Variants in ADARB1 observed in about 807,000 individuals in gnomAD.
ADARB1 encodes double-stranded RNA-specific editase 1.
In ADARB1, 10 loss-of-function variants were observed where a neutral mutation model predicts 52.4. The observed-to-expected ratio is 0.19, with a 90% CI of 0.12 to 0.32. ADARB1 has a LOEUF of 0.32. Ranked by LOEUF, ADARB1 falls within the 10% of genes least tolerant of loss-of-function variation. ADARB1 has a pLI of 1.00. For missense variants in ADARB1, 643 were observed against 922.3 expected, an observed-to-expected ratio of 0.70 and a Z score of 3.92; for synonymous variants, 349 against 371.1, an observed-to-expected ratio of 0.94 and a Z score of 0.68.
At chr21:45,150,399 AATT>A (rs1210926713) in intron 2 of ADARB1, among the ~76,000 whole-genome samples, 1 of 152,232 alleles carries the variant, frequency 6.6e-6, no homozygotes, top group African/African-American at 2.4e-5. Context: ...GTTTTCAAAA[AATT>A]ATTTTTTCTA....
At chr21:45,216,833 A>T (rs1305889762) in intron 9 of ADARB1, among the ~76,000 whole-genome samples, 1 of 151,860 alleles carries the variant, frequency 6.6e-6, no homozygotes, top group Admixed American at 6.6e-5. Flanking sequence ...TACATTATCT[A>T]TTTCTTCCCC....
chr21:45,214,042 A>G (rs575931239), intron 9 of ADARB1, among the ~76,000 whole-genome samples: 1 of 152,334 alleles, frequency 6.6e-6, no homozygotes, highest in African/African-American at 2.4e-5. Context: ...TGTCACTTAT[A>G]TGCCGGCACG....
chr21:45,141,722 A>ATCACCTTAGCATCCCTGGG (rs1206840876), intron 2 of ADARB1, among the ~76,000 whole-genome samples: 5 of 145,376 alleles, frequency 3.4e-5, no homozygotes, highest in Admixed American at 1.3e-4. Context: ...CCACCACAGG[A>ATCACCTTAGCATCCCTGGG]TCACCTTAGC....
intron 8 of ADARB1, among the ~76,000 whole-genome samples, chr21:45,186,156 G>A (rs2092098391): frequency 6.6e-6 from 1 of 152,170 alleles, no homozygotes; most frequent in African/African-American, 2.4e-5. Flanking sequence ...AGAATTATTT[G>A]GAGTATTTGT....
At chr21:45,180,198 T>G (rs970261749) in intron 4 of ADARB1, 132 bp from the exon 5 acceptor site, 6 of 678,046 alleles carry the variant, frequency 8.8e-6, no homozygotes, top group Non-Finnish European at 1.6e-5. Context: ...TTTGCCAGAT[T>G]TACCTGTGTG....
intron 2 of ADARB1, among the ~76,000 whole-genome samples, chr21:45,171,187 G>A (rs146875231): frequency 3.9e-5 from 6 of 152,296 alleles, no homozygotes; most frequent in South Asian, 2.1e-4. Context: ...TGCAGCAGGC[G>A]TCTTTCCAGA....
intron 7 of ADARB1, among the ~76,000 whole-genome samples, chr21:45,183,930 C>A (rs572814125): frequency 8.5e-5 from 13 of 152,304 alleles, no homozygotes; most frequent in Non-Finnish European, 1.9e-4. Flanking sequence ...CTATTGTGAT[C>A]ATATTTTTTT....
chr21:45,099,215 G>C (rs1250883500), intron 1 of ADARB1, among the ~76,000 whole-genome samples: 1 of 152,140 alleles, frequency 6.6e-6, no homozygotes, highest in Non-Finnish European at 1.5e-5. Context: ...AGGGGGTGGT[G>C]GTAGGGCTGG....
At chr21:45,169,566 C>T (rs1218407827) in intron 2 of ADARB1, among the ~76,000 whole-genome samples, 1 of 152,178 alleles carries the variant, frequency 6.6e-6, no homozygotes, top group Non-Finnish European at 1.5e-5. Context: ...GCTTTCTCTA[C>T]ATCTCTCAGT....
rs866779547 is a variant in ADARB1 at position 45,074,604 on chromosome 21, C to T, written c.-409C>T. On this transcript the variant is annotated 5_prime_UTR_variant, in exon 1 of 11. Coordinates refer to ENST00000348831, the MANE Select transcript of ADARB1 (RefSeq NM_001112.4). ...TGAGGCGCTGAGGCGGCCGTGGCGG[C>T]GGCGGCGGCGGCGGCGGCAGCGGCG... 2.1e-3 allele frequency: 309 copies of T among 148,226 alleles called. 1 individual carries two copies. The highest frequency in any genetic ancestry group is 7.2e-3 in the African/African-American group (291 of 40,566). 9.2% of individuals were successfully genotyped at this position (148,226 alleles called of 1,614,324 possible).
At chr21:45,214,403 G>A (rs1041968132) in intron 9 of ADARB1, among the ~76,000 whole-genome samples, 5 of 152,240 alleles carry the variant, frequency 3.3e-5, no homozygotes, top group African/African-American at 1.2e-4. Flanking sequence ...CTAATTTATA[G>A]AAATTTTCTT....
At chr21:45,154,923 T>G (rs1052011466) in intron 2 of ADARB1, among the ~76,000 whole-genome samples, 2 of 152,226 alleles carry the variant, frequency 1.3e-5, no homozygotes, top group Non-Finnish European at 2.9e-5. Context: ...TGGCTGCTGC[T>G]GTAGCCTCAT....
At chr21:45,203,464 C>G (rs772049714) in intron 8 of ADARB1, among the ~76,000 whole-genome samples, 14 of 152,178 alleles carry the variant, frequency 9.2e-5, no homozygotes, top group Non-Finnish European at 1.6e-4. Context: ...TGTATCTCCC[C>G]CCAGGTACTT....
At position 45,175,829 on chromosome 21, in the gene ADARB1, A is replaced by G. The variant is rs200269366; in HGVS notation, c.128A>G (p.Asn43Ser). ...CCTGGCGAGGGCTCTCAGCTCTCCA[A>G]TGGGGGTGGTGGTGGCCCCGGCAGA... is the stretch of plus-strand genomic sequence containing the variant. ...PGPGEGSQLS[N>S]GGGGGPGRKR... is the part of the protein sequence containing the mutation. The change falls in exon 4 of 11, where the codon AAT becomes AGT. Residue 43 changes from asparagine (N) to serine (S), a missense_variant. Coordinates refer to ENST00000348831, the MANE Select transcript of ADARB1 (RefSeq NM_001112.4). The G allele has an allele frequency of 4.3e-5, 70 of 1,614,004 alleles. No individual in the cohort carries two copies. The highest frequency in any genetic ancestry group is 1.2e-4 in the African/African-American group (9 of 74,924).
chr21:45,088,909 A>G (rs2086452664), intron 1 of ADARB1, among the ~76,000 whole-genome samples: 1 of 152,132 alleles, frequency 6.6e-6, no homozygotes, highest in Non-Finnish European at 1.5e-5. Flanking sequence ...GAAATGTCAG[A>G]CGCTCCAGTA....
chr21:45,115,854 CTAAAATCTGGGG>C (rs1040338105), intron 1 of ADARB1, among the ~76,000 whole-genome samples: 4 of 152,134 alleles, frequency 2.6e-5, no homozygotes, highest in Non-Finnish European at 4.4e-5. Context: ...AGTGTCTCAC[CTAAAATCTGGGG>C]CCATGATGTC....
At chr21:45,194,211 C>T (rs566511214) in intron 8 of ADARB1, among the ~76,000 whole-genome samples, 18 of 152,284 alleles carry the variant, frequency 1.2e-4, no homozygotes, top group South Asian at 8.3e-4. Context: ...AGTGCCCTCA[C>T]GTATGCACAG....
intron 2 of ADARB1, among the ~76,000 whole-genome samples, chr21:45,171,250 T>C (rs535057806): frequency 1.1e-4 from 16 of 152,318 alleles, no homozygotes; most frequent in African/African-American, 3.8e-4. Context: ...TGGCCCTCCA[T>C]TGCCTGGAAT....
At position 45,203,074 on chromosome 21, in the gene ADARB1, G is replaced by A. The variant is rs755585994; in HGVS notation, c.1566-1481G>A. The stretch of plus-strand genomic sequence containing the variant: ...CTGCTGACGCCACTTCGTAAAATGC[G>A]CATGCGCCAGCCCCTCCCCTGAGAC... On this transcript the variant is annotated intron_variant, in intron 8 of 10. Transcript: ENST00000348831. Among the ~76,000 whole-genome samples, 110 of 152,350 alleles carry A rather than the reference G, an allele frequency of 7.2e-4. No homozygotes were observed. The Middle Eastern group carries it at 0.014, about 19-fold the overall frequency.
Sources: allele counts gnomAD v4.1 joint callset (sites outside exome capture counted in the v4.1 genomes callset), GRCh38; gene constraint gnomAD v4.1.1; transcripts MANE v1.5; gene names NCBI Gene and HGNC (gene_info 2026-07-23, HGNC 2026-07-21).